The following XKR6 variants were observed in gnomAD, a reference collection of about 807,000 sequenced individuals.
The protein encoded by XKR6 is XK related 6.
In XKR6, 22 loss-of-function variants were observed where a neutral mutation model predicts 56.7. That is an observed-to-expected ratio of 0.39 (90% CI 0.28 to 0.55). The LOEUF is 0.55. XKR6 is among the 20% of genes least tolerant of loss of function. XKR6 has a pLI of 0.66. For missense variants in XKR6, 852 were observed against 889.0 expected (o/e 0.96, Z 0.53); for synonymous variants, 524 against 387.8 (o/e 1.35, Z -4.13).
chr8:11,109,542 G>C (rs76024107), intron 1 of XKR6: 1 of 152,134 alleles, frequency 6.6e-6, no homozygotes, highest in Non-Finnish European at 1.5e-5. Flanking sequence ...CTCCAGACCC[G>C]GCATGGACCA....
chr8:11,124,063 T>C lies in XKR6; in HGVS notation c.764+76513A>G, dbSNP rs113104628. On this transcript the variant is annotated intron_variant, in intron 1 of 2. Transcript: ENST00000416569. ...GGCCCCTCCTGTCCTGCTTGAGCTC[T>C]CTCTCTCTAGCACGATTTCCTACTA... The C allele has an allele frequency of 1.5e-3, 682 of 454,668 alleles. 4 individuals carry two copies. Among genetic ancestry groups the C allele is most frequent in the African/African-American group, 0.011 (527 of 50,138 alleles). 28.2% of individuals were successfully genotyped at this position (454,668 alleles called of 1,614,324 possible).
At chr8:10,973,538 A>C (rs896318443) in intron 1 of XKR6, among the ~76,000 whole-genome samples, 10 of 152,182 alleles carry the variant, frequency 6.6e-5, no homozygotes, top group African/African-American at 2.4e-4. Flanking sequence ...GCTCAGGGAA[A>C]GCGTAAGGCT....
At chr8:11,033,373 A>T (rs1167006326) in intron 1 of XKR6, among the ~76,000 whole-genome samples, 5 of 149,678 alleles carry the variant, frequency 3.3e-5, no homozygotes, top group African/African-American at 1.3e-4. Flanking sequence ...AGTGATGGTG[A>T]TGGTGGTGGT....
intron 1 of XKR6, among the ~76,000 whole-genome samples, chr8:11,050,740 G>A (rs753141564): frequency 2.6e-5 from 4 of 152,048 alleles, no homozygotes; most frequent in African/African-American, 4.8e-5. Flanking sequence ...CCAGCCACTC[G>A]CTTACATGCC....
At chr8:11,128,993 T>C (rs1206365430) in intron 1 of XKR6, 1 of 456,520 alleles carries the variant, frequency 2.2e-6, no homozygotes, top group East Asian at 6.9e-5. Context: ...GTTTGTTCTG[T>C]TCTCTCTTGT....
chr8:11,044,459 A>G (rs1350666603), intron 1 of XKR6, among the ~76,000 whole-genome samples: 2 of 152,162 alleles, frequency 1.3e-5, no homozygotes, highest in African/African-American at 4.8e-5. Context: ...CTTAAGAAAT[A>G]AAGCTCTCCT....
At chr8:11,043,258 C>CA (rs1415717302) in intron 1 of XKR6, among the ~76,000 whole-genome samples, 3 of 152,020 alleles carry the variant, frequency 2.0e-5, no homozygotes, top group Admixed American at 6.5e-5. Context: ...CGTGAGCACT[C>CA]AAACACTGGT....
intron 1 of XKR6, among the ~76,000 whole-genome samples, chr8:10,986,204 G>A (rs1797860924): frequency 6.6e-6 from 1 of 152,190 alleles, no homozygotes; most frequent in African/African-American, 2.4e-5. Flanking sequence ...ATAAGTGATG[G>A]TGGCCCAGAT....
intron 1 of XKR6, among the ~76,000 whole-genome samples, chr8:11,173,078 G>C (rs1014392197): frequency 3.9e-5 from 6 of 151,980 alleles, no homozygotes; most frequent in Admixed American, 2.6e-4. Context: ...GCTCACGCCT[G>C]TAATCCCAGC....
intron 1 of XKR6, among the ~76,000 whole-genome samples, chr8:11,092,127 T>A (rs181619399): frequency 6.6e-6 from 1 of 152,234 alleles, no homozygotes; most frequent in African/African-American, 2.4e-5. Context: ...TTAAATTACA[T>A]GAGGTTGTGT....
chr8:11,091,410 C>T (rs1311860189), intron 1 of XKR6, among the ~76,000 whole-genome samples: 1 of 147,884 alleles, frequency 6.8e-6, no homozygotes, highest in Admixed American at 6.7e-5. Context: ...GCACTCCAGT[C>T]TGGGCAACAG....
intron 2 of XKR6, among the ~76,000 whole-genome samples, chr8:10,901,130 A>C (rs1800025968): frequency 1.4e-5 from 2 of 147,280 alleles, no homozygotes; most frequent in Non-Finnish European, 3.0e-5. Flanking sequence ...ATCTCCACTC[A>C]TTGTGACCTC....
chr8:11,106,994 G>A (rs1272674380), intron 1 of XKR6, among the ~76,000 whole-genome samples: 1 of 152,056 alleles, frequency 6.6e-6, no homozygotes, highest in African/African-American at 2.4e-5. Flanking sequence ...GGCAGCAAGT[G>A]AACTCTTTAA....
intron 2 of XKR6, among the ~76,000 whole-genome samples, chr8:10,899,791 T>C (rs1799984115): frequency 6.6e-6 from 1 of 152,176 alleles, no homozygotes; most frequent in Non-Finnish European, 1.5e-5. Flanking sequence ...AACGGGCAAA[T>C]ATTCACAGAG....
At chr8:11,179,795 C>T (rs565571117) in intron 1 of XKR6, among the ~76,000 whole-genome samples, 182 of 152,262 alleles carry the variant, frequency 1.2e-3, no homozygotes, top group Non-Finnish European at 2.3e-3. Flanking sequence ...CGGAGCCTAC[C>T]TTAAAGGAGT....
intron 1 of XKR6, among the ~76,000 whole-genome samples, chr8:11,061,276 G>A (rs1799826908): frequency 6.6e-6 from 1 of 152,062 alleles, no homozygotes; most frequent in Non-Finnish European, 1.5e-5. Flanking sequence ...CCCAGCCTGG[G>A]CAACATGGCA....
intron 1 of XKR6, among the ~76,000 whole-genome samples, chr8:11,002,165 G>C (rs1343024094): frequency 2.0e-5 from 3 of 151,536 alleles, no homozygotes; most frequent in Admixed American, 1.3e-4. Flanking sequence ...GCATCACCCT[G>C]CTGTGAATGC....
At chr8:11,080,665 G>A (rs1797686006) in intron 1 of XKR6, among the ~76,000 whole-genome samples, 1 of 152,214 alleles carries the variant, frequency 6.6e-6, no homozygotes, top group African/African-American at 2.4e-5. Flanking sequence ...GGTCTCTGTT[G>A]AGCACTGGCT....
At chr8:11,182,083 C>T (rs552211224) in intron 1 of XKR6, among the ~76,000 whole-genome samples, 10 of 152,168 alleles carry the variant, frequency 6.6e-5, no homozygotes, top group Non-Finnish European at 1.2e-4. Context: ...CCAGTTTGTT[C>T]CTCATCTTTC....
Sources: gnomAD v4.1 joint callset for allele counts (sites outside exome capture counted in the v4.1 genomes callset) on GRCh38, gnomAD v4.1.1 for gene constraint, MANE v1.5 for transcripts, NCBI Gene and HGNC (gene_info 2026-07-23, HGNC 2026-07-21) for gene names.